Variants in ACTR3B observed in about 807,000 individuals in gnomAD.
ACTR3B encodes actin-related protein 3B.
Under a neutral mutation model 59.0 loss-of-function variants are expected in ACTR3B, and 8 were observed. That is an observed-to-expected ratio of 0.14 (90% CI 0.08 to 0.24). The LOEUF (loss-of-function observed/expected upper bound fraction) is 0.24, where lower values mean the gene tolerates loss of function less well. ACTR3B is among the 10% of genes least tolerant of loss of function. The pLI is 1.00. For synonymous variants in ACTR3B, 148 were observed against 197.9 expected, an observed-to-expected ratio of 0.75 and a Z score of 2.12; for missense variants, 245 against 552.3, an observed-to-expected ratio of 0.44 and a Z score of 5.58.
intron 9 of ACTR3B, among the ~76,000 whole-genome samples, chr7:152,842,174 A>G (rs1797917903): frequency 6.6e-6 from 1 of 152,232 alleles, no homozygotes; most frequent in Non-Finnish European, 1.5e-5. Context: ...TGTAGATGGT[A>G]CCACACCCTC....
chr7:152,837,013 A>C (rs1225286070), intron 9 of ACTR3B, among the ~76,000 whole-genome samples: 2 of 152,192 alleles, frequency 1.3e-5, no homozygotes, highest in Non-Finnish European at 2.9e-5. Flanking sequence ...TCTACAAAAG[A>C]AAAATTAAAA....
chr7:152,854,103 T>C lies in ACTR3B; in HGVS notation c.1162-355T>C, dbSNP rs1261378851. ...TGCTAATTAGGGGTTACAGAAAACA[T>C]GGTAAGTGGCATCCAAAAATAATCT... On this transcript the variant is annotated intron_variant, in intron 11 of 11. Coordinates refer to ENST00000256001, the MANE Select transcript of ACTR3B (RefSeq NM_020445.6). The surrounding 1 kb of genome is among the most constrained non-coding windows in gnomAD (Gnocchi z 4.9). Among the ~76,000 whole-genome samples, 2 of 152,160 alleles carry C rather than the reference T, an allele frequency of 1.3e-5. No homozygotes were observed. Among genetic ancestry groups the C allele is most frequent in the African/African-American group, 4.8e-5 (2 of 41,434 alleles).
At chr7:152,765,415 C>CT (rs761753992) in intron 1 of ACTR3B, among the ~76,000 whole-genome samples, 2,257 of 128,782 alleles carry the variant, frequency 0.018, 60 homozygotes, top group African/African-American at 0.054. Context: ...CTGCGCCTGG[C>CT]TTTTTTTTTT....
At chr7:152,851,214 A>G (rs1741290733) in intron 9 of ACTR3B, among the ~76,000 whole-genome samples, 1 of 152,236 alleles carries the variant, frequency 6.6e-6, no homozygotes, top group Non-Finnish European at 1.5e-5. Context: ...TAATTATTGT[A>G]ACAATATACT....
At chr7:152,821,332 A>T (rs144867432) in intron 7 of ACTR3B, among the ~76,000 whole-genome samples, 2,195 of 152,194 alleles carry the variant, frequency 0.014, 15 homozygotes, top group African/African-American at 0.034. Context: ...TTAGAAATGT[A>T]AGTCAGAATT....
intron 9 of ACTR3B, 129 bp from the exon 10 acceptor site, chr7:152,851,997 C>G: frequency 2.3e-6 from 3 of 1,283,084 alleles, no homozygotes; most frequent in South Asian, 1.3e-5. Context: ...TGCTTTTGTT[C>G]GCATCTTTCA....
chr7:152,786,671 T>G (rs1429818131), intron 2 of ACTR3B, among the ~76,000 whole-genome samples: 1 of 152,014 alleles, frequency 6.6e-6, no homozygotes, highest in African/African-American at 2.4e-5. Context: ...AGTAAATGAA[T>G]AAATGGCACA....
chr7:152,841,671 G>A (rs1797878091), intron 9 of ACTR3B, among the ~76,000 whole-genome samples: 1 of 152,194 alleles, frequency 6.6e-6, no homozygotes, highest in Admixed American at 6.5e-5. Context: ...AAAATTGGGC[G>A]ACTTGGCTCA....
chr7:152,777,517 C>G (rs1373024668), intron 1 of ACTR3B, among the ~76,000 whole-genome samples: 1 of 151,842 alleles, frequency 6.6e-6, no homozygotes, highest in Non-Finnish European at 1.5e-5. Flanking sequence ...TGTTTTCATC[C>G]ATTATATGTT....
At chr7:152,795,360 T>C (rs1169641050) in intron 2 of ACTR3B, among the ~76,000 whole-genome samples, 1 of 152,218 alleles carries the variant, frequency 6.6e-6, no homozygotes, top group African/African-American at 2.4e-5. Context: ...AATTCACTCT[T>C]ATAGCTGTGT....
rs1339251382 is a variant in ACTR3B, at chr7:152,824,029, G to A, written c.858+514G>A. Among the ~76,000 whole-genome samples the A allele has an allele frequency of 2.0e-5, 3 of 152,184 alleles. No individual in the cohort carries two copies. The highest frequency in any genetic ancestry group is 2.0e-4 in the Admixed American group (3 of 15,288). On this transcript the variant is annotated intron_variant, in intron 8 of 11. Coordinates refer to ENST00000256001, the MANE Select transcript of ACTR3B (RefSeq NM_020445.6). This position sits in a 1 kb window ranked among gnomAD's most constrained non-coding sequence, Gnocchi z 4.2. ...TTAGATAATCTTAAGAATTAGAAAT[G>A]TCATCATTTTAACTAGTAGTCATAA...
intron 9 of ACTR3B, among the ~76,000 whole-genome samples, chr7:152,837,027 T>C (rs899329603): frequency 6.6e-6 from 1 of 152,136 alleles, no homozygotes; most frequent in East Asian, 1.9e-4. Flanking sequence ...ATTAAAAAAA[T>C]TAGCTGGATA....
chr7:152,850,513 A>G (rs116448211), intron 9 of ACTR3B, among the ~76,000 whole-genome samples: 2,176 of 152,078 alleles, frequency 0.014, 49 homozygotes, highest in African/African-American at 0.048. Context: ...GGCTTCCCCA[A>G]ATGGAAGGCC....
At chr7:152,768,158 G>T (rs1168110065) in intron 1 of ACTR3B, among the ~76,000 whole-genome samples, 5 of 152,252 alleles carry the variant, frequency 3.3e-5, no homozygotes, top group African/African-American at 4.8e-5. Flanking sequence ...GGGAGGCGGA[G>T]GTTGCAGTGA....
At chr7:152,847,076 GTGT>G (rs1798400095) in intron 9 of ACTR3B, among the ~76,000 whole-genome samples, 1 of 147,966 alleles carries the variant, frequency 6.8e-6, no homozygotes, top group Non-Finnish European at 1.5e-5. Context: ...GTGAGCCCCA[GTGT>G]CCGGGCTGTA....
intron 4 of ACTR3B, chr7:152,812,210 T>C (rs1458055595): frequency 1.0e-5 from 1 of 95,974 alleles, no homozygotes. Flanking sequence ...TTTGTATTTT[T>C]AGTAGAGATG....
At chr7:152,811,102 A>G (rs1165882363) in intron 4 of ACTR3B, 3 of 149,170 alleles carry the variant, frequency 2.0e-5, no homozygotes, top group African/African-American at 5.0e-5. Flanking sequence ...TGATACAGAC[A>G]ATGTTGACTT....
intron 4 of ACTR3B, chr7:152,811,252 C>G (rs1225712997): frequency 6.7e-6 from 1 of 148,532 alleles, no homozygotes; most frequent in South Asian, 2.2e-4. Context: ...GTAATAGCAA[C>G]TCACTTCCAT....
chr7:152,766,811 G>C (rs1238176336), intron 1 of ACTR3B, among the ~76,000 whole-genome samples: 8 of 151,938 alleles, frequency 5.3e-5, no homozygotes, highest in Admixed American at 3.3e-4. Flanking sequence ...TTTTGAGACA[G>C]AGTCTCACTC....
Sources: allele counts gnomAD v4.1 joint callset (sites outside exome capture counted in the v4.1 genomes callset), GRCh38; gene constraint gnomAD v4.1.1; non-coding constraint Gnocchi (gnomAD v3.1); transcripts MANE v1.5; gene names NCBI Gene and HGNC (gene_info 2026-07-23, HGNC 2026-07-21).